Variants in GREB1L observed in about 807,000 individuals in gnomAD.
The protein encoded by GREB1L is GREB1-like protein.
A neutral mutation model predicts 200.8 loss-of-function variants in GREB1L; 17 were observed. That is an observed-to-expected ratio of 0.08 (90% confidence interval 0.06 to 0.13). GREB1L has a LOEUF of 0.13. GREB1L is among the 10% of genes least tolerant of loss of function. GREB1L has a pLI of 1.00. For missense variants in GREB1L, 1,657 were observed against 2,367.7 expected (o/e 0.70, Z 6.23); for synonymous variants, 789 against 893.0 (o/e 0.88, Z 2.08).
At chr18:21,350,893 C>T (rs1380249351) in intron 1 of GREB1L, among the ~76,000 whole-genome samples, 1 of 152,178 alleles carries the variant, frequency 6.6e-6, no homozygotes, top group Admixed American at 6.5e-5. Flanking sequence ...GAGATCCTCT[C>T]CCTTCATACC....
chr18:21,472,009 A>G (rs927216309), intron 15 of GREB1L, among the ~76,000 whole-genome samples: 20 of 152,254 alleles, frequency 1.3e-4, no homozygotes, highest in Admixed American at 2.6e-4. Context: ...AAATTTGACT[A>G]CATTTGGGTG....
At chr18:21,488,373 G>T (rs1406374095) in intron 18 of GREB1L, among the ~76,000 whole-genome samples, 1 of 152,176 alleles carries the variant, frequency 6.6e-6, no homozygotes, top group Non-Finnish European at 1.5e-5. Flanking sequence ...CACCTCAAAA[G>T]TGTTCATGTG....
intron 5 of GREB1L, among the ~76,000 whole-genome samples, chr18:21,397,893 A>G (rs1489563495): frequency 6.6e-6 from 1 of 152,222 alleles, no homozygotes; most frequent in East Asian, 1.9e-4. Context: ...GTAGGGACAC[A>G]ACAGTTAAAA....
chr18:21,519,494 A>T (rs1009966915), intron 31 of GREB1L, among the ~76,000 whole-genome samples: 2 of 152,150 alleles, frequency 1.3e-5, no homozygotes, highest in Non-Finnish European at 2.9e-5. Flanking sequence ...ACGAGATCTA[A>T]TAACATCTTT....
At chr18:21,352,008 C>G (rs187022034) in intron 1 of GREB1L, among the ~76,000 whole-genome samples, 20 of 151,940 alleles carry the variant, frequency 1.3e-4, no homozygotes, top group African/African-American at 4.6e-4. Context: ...CCACCACGCC[C>G]GGCTAATTTT....
At chr18:21,392,602 T>C (rs2040870588) in intron 4 of GREB1L, among the ~76,000 whole-genome samples, 1 of 152,122 alleles carries the variant, frequency 6.6e-6, no homozygotes, top group South Asian at 2.1e-4. Flanking sequence ...AAGGGATCTA[T>C]AAGCTTGAAA....
chr18:21,361,082 G>C (rs1317048735), intron 1 of GREB1L, among the ~76,000 whole-genome samples: 1 of 152,134 alleles, frequency 6.6e-6, no homozygotes, highest in Non-Finnish European at 1.5e-5. Flanking sequence ...TTTTGGATTT[G>C]TTAAGGTATT....
intron 1 of GREB1L, among the ~76,000 whole-genome samples, chr18:21,259,824 A>G (rs995467719): frequency 6.6e-6 from 1 of 151,992 alleles, no homozygotes; most frequent in African/African-American, 2.4e-5. Flanking sequence ...CACTTCATGG[A>G]TATTAAGGTA....
chr18:21,333,136 A>G (rs1051810309), intron 1 of GREB1L, among the ~76,000 whole-genome samples: 2 of 151,980 alleles, frequency 1.3e-5, no homozygotes, highest in Non-Finnish European at 2.9e-5. Context: ...ATTTCTGGGT[A>G]TCTAACTGGT....
intron 1 of GREB1L, among the ~76,000 whole-genome samples, chr18:21,297,746 T>G (rs1349476372): frequency 1.3e-5 from 2 of 152,182 alleles, no homozygotes; most frequent in Non-Finnish European, 2.9e-5. Context: ...CCTTATGCCT[T>G]TCTGAAGACA....
At chr18:21,504,438 C>T (rs1030595864) in intron 23 of GREB1L, among the ~76,000 whole-genome samples, 2 of 152,176 alleles carry the variant, frequency 1.3e-5, no homozygotes, top group African/African-American at 2.4e-5. Context: ...CAGGAAGCTG[C>T]AGTGGAAGGA....
At chr18:21,483,858 C>T (rs192069482) in intron 17 of GREB1L, among the ~76,000 whole-genome samples, 1,641 of 151,826 alleles carry the variant, frequency 0.011, 10 homozygotes, top group Middle Eastern at 0.027. Context: ...TGCCTGTAGT[C>T]CCAGCTGCTT....
At chr18:21,519,627 C>T (rs2037542589) in intron 31 of GREB1L, among the ~76,000 whole-genome samples, 1 of 152,204 alleles carries the variant, frequency 6.6e-6, no homozygotes, top group South Asian at 2.1e-4. Flanking sequence ...TACTTAACAA[C>T]AGCTAACATT....
chr18:21,411,725 A>G (rs964141711), intron 7 of GREB1L, among the ~76,000 whole-genome samples: 13 of 152,100 alleles, frequency 8.5e-5, no homozygotes, highest in Non-Finnish European at 1.3e-4. Flanking sequence ...GTCACCTTAA[A>G]CAGGAAACAA....
At chr18:21,258,273 C>T (rs1475847899) in intron 1 of GREB1L, among the ~76,000 whole-genome samples, 1 of 152,112 alleles carries the variant, frequency 6.6e-6, no homozygotes, top group Non-Finnish European at 1.5e-5. Context: ...CTGTACAAGG[C>T]TCAATTTTGG....
At chr18:21,384,680 T>G (rs552228403) in intron 4 of GREB1L, among the ~76,000 whole-genome samples, 3 of 152,286 alleles carry the variant, frequency 2.0e-5, no homozygotes, top group Admixed American at 2.0e-4. Context: ...GCAGAGGCAA[T>G]TCTAAACCCA....
At position 21,490,340 on chromosome 18, in the gene GREB1L, G is replaced by A. The variant is rs1402381140; in HGVS notation, c.3019G>A (p.Ala1007Thr). ...ACTCAGTGTTGCAACTCACTTTGTG[G>A]CGCGATTAAAGGTTAGCAATGGACA... ...TELSVATHFV[A>T]RLKSWRGNEP... The change falls in exon 19 of 33, where the codon GCG becomes ACG. Residue 1007 changes from alanine (A) to threonine (T), a missense_variant. Ala to Thr is a moderately conservative substitution (Grantham distance 58, BLOSUM62 0). Coordinates refer to ENST00000424526, the MANE Select transcript of GREB1L (RefSeq NM_001142966.3). 1 of 1,551,064 alleles carries A rather than the reference G, an allele frequency of 6.4e-7. No homozygotes were observed. Among genetic ancestry groups the A allele is most frequent in the Non-Finnish European group, 8.7e-7 (1 of 1,146,374 alleles).
chr18:21,417,998 A>G (rs2031807554), intron 7 of GREB1L, among the ~76,000 whole-genome samples: 2 of 151,974 alleles, frequency 1.3e-5, no homozygotes, highest in Non-Finnish European at 2.9e-5. Flanking sequence ...AAAAAAAGAA[A>G]AGAAAAAGAA....
At chr18:21,439,687 C>T (rs1207923453) in intron 8 of GREB1L, 50 bp downstream of exon 8, 4 of 1,123,862 alleles carry the variant, frequency 3.6e-6, no homozygotes, top group Non-Finnish European at 5.3e-6. Flanking sequence ...CCAGTGGTTA[C>T]AAGTGCTCCA....
Sources: allele counts gnomAD v4.1 joint callset (sites outside exome capture counted in the v4.1 genomes callset), GRCh38; gene constraint gnomAD v4.1.1; transcripts MANE v1.5; gene names NCBI Gene and HGNC (gene_info 2026-07-23, HGNC 2026-07-21).